The following TRMT11 variants were observed in gnomAD, a reference collection of about 807,000 sequenced individuals.
TRMT11 encodes tRNA (guanine(10)-N(2))-methyltransferase TRMT11.
Under a neutral mutation model 62.8 loss-of-function variants are expected in TRMT11, and 53 were observed. The observed-to-expected ratio is 0.84, with a 90% CI of 0.68 to 1.06. The LOEUF is 1.06. Ranked by LOEUF, TRMT11 falls within the 50% of genes least tolerant of loss-of-function variation. The probability of loss-of-function intolerance (pLI) is 0.00; values close to 1 mark genes in which losing one functional copy is unlikely to be tolerated. For synonymous variants in TRMT11, 188 were observed against 190.3 expected (o/e 0.99, Z 0.10); for missense variants, 556 against 553.4 (o/e 1.00, Z -0.05).
At chr6:126,078,134 TA>T (rs1777072095) in intron 17 of TRMT11, among the ~76,000 whole-genome samples, 1 of 152,200 alleles carries the variant, frequency 6.6e-6, no homozygotes, top group African/African-American at 2.4e-5. Context: ...CATCCATTCT[TA>T]TAAAAGAGAC....
At chr6:126,103,491 A>C (rs1054096273) in intron 17 of TRMT11, among the ~76,000 whole-genome samples, 21 of 152,174 alleles carry the variant, frequency 1.4e-4, no homozygotes, top group African/African-American at 5.1e-4. Flanking sequence ...GCATGTCTTA[A>C]CTGGTCCTCT....
At chr6:126,240,555 A>G in the TRMT11 span, among the ~76,000 whole-genome samples, 1 of 152,048 alleles carries the variant, frequency 6.6e-6, no homozygotes, top group Admixed American at 6.5e-5. Flanking sequence ...TTGCTGCCTG[A>G]TTGTTCCTCT....
At chr6:126,272,037 C>A in the TRMT11 span, among the ~76,000 whole-genome samples, 2 of 152,084 alleles carry the variant, frequency 1.3e-5, no homozygotes, top group Admixed American at 1.3e-4. Flanking sequence ...TATCAGAATG[C>A]TGAATATTAC....
At chr6:125,995,836 G>T in intron 2 of TRMT11, 131 bp from the exon 3 acceptor site, 2 of 637,306 alleles carry the variant, frequency 3.1e-6, no homozygotes, top group Non-Finnish European at 2.8e-6. Context: ...TTTTTATTTT[G>T]GTTACAGTCA....
chr6:126,153,742 T>G (rs903695693), intron 21 of TRMT11, among the ~76,000 whole-genome samples: 2 of 152,248 alleles, frequency 1.3e-5, no homozygotes, highest in Non-Finnish European at 2.9e-5. Context: ...CCACTCAGAT[T>G]GTCATTCTGT....
intron 17 of TRMT11, among the ~76,000 whole-genome samples, chr6:126,059,408 T>C (rs1160868689): frequency 1.3e-5 from 2 of 152,176 alleles, no homozygotes; most frequent in Non-Finnish European, 2.9e-5. Context: ...CTGGGCATTA[T>C]TTGGCTAAAA....
chr6:126,272,026 A>G, the TRMT11 span, among the ~76,000 whole-genome samples: 4 of 152,250 alleles, frequency 2.6e-5, no homozygotes, highest in Non-Finnish European at 5.9e-5. Context: ...CTGAAGACAA[A>G]TATCAGAATG....
intron 17 of TRMT11, among the ~76,000 whole-genome samples, chr6:126,095,288 G>A (rs1777328020): frequency 6.6e-6 from 1 of 152,158 alleles, no homozygotes; most frequent in Non-Finnish European, 1.5e-5. Flanking sequence ...GTACAGATCT[G>A]AAAAATAATC....
intron 1 of TRMT11, among the ~76,000 whole-genome samples, chr6:125,992,983 T>C (rs1025336177): frequency 6.6e-6 from 1 of 152,194 alleles, no homozygotes; most frequent in Non-Finnish European, 1.5e-5. Flanking sequence ...GGGTATAGTT[T>C]CCCTTTTGAT....
downstream of TRMT11, among the ~76,000 whole-genome samples, chr6:126,203,141 CTG>C (rs559079832): frequency 2.8e-3 from 424 of 152,270 alleles, 1 homozygote; most frequent in African/African-American, 9.5e-3. Flanking sequence ...TACCTGGGAG[CTG>C]TGTGGTCGCA....
intron 17 of TRMT11, among the ~76,000 whole-genome samples, chr6:126,062,625 A>C (rs1473241666): frequency 6.6e-6 from 1 of 152,214 alleles, no homozygotes; most frequent in Non-Finnish European, 1.5e-5. Flanking sequence ...TGAATAACTT[A>C]TCAATCTATC....
the TRMT11 span, among the ~76,000 whole-genome samples, chr6:126,272,130 G>A: frequency 6.6e-6 from 1 of 152,122 alleles, no homozygotes; most frequent in Non-Finnish European, 1.5e-5. Flanking sequence ...CCTTTAGTCA[G>A]TCTCATAAAT....
chr6:126,178,128 T>C (rs1778410404), intron 1 of TRMT11, among the ~76,000 whole-genome samples: 1 of 152,270 alleles, frequency 6.6e-6, no homozygotes, highest in South Asian at 2.1e-4. Context: ...GATGGAATAG[T>C]GCTTTTATTT....
chr6:126,112,863 T>C (rs1777547950), intron 17 of TRMT11, among the ~76,000 whole-genome samples: 1 of 152,038 alleles, frequency 6.6e-6, no homozygotes, highest in South Asian at 2.1e-4. Flanking sequence ...TTTTTTATTA[T>C]AGGGAAAAGA....
At chr6:126,167,659 G>A (rs1778284153) in intron 21 of TRMT11, among the ~76,000 whole-genome samples, 1 of 152,186 alleles carries the variant, frequency 6.6e-6, no homozygotes, top group South Asian at 2.1e-4. Context: ...ATTTTGAGGA[G>A]AAGGCAATGC....
At chr6:126,002,657 T>A (rs992753387) in intron 7 of TRMT11, among the ~76,000 whole-genome samples, 11 of 152,136 alleles carry the variant, frequency 7.2e-5, no homozygotes, top group African/African-American at 2.6e-4. Context: ...CCTTATTGAT[T>A]TACTTTTATT....
chr6:125,999,417 C>CT (rs1447989608), intron 6 of TRMT11, 40 bp from the exon 7 acceptor site: 1 of 1,515,286 alleles, frequency 6.6e-7, no homozygotes, highest in African/African-American at 1.4e-5. Context: ...TAAGTCTATT[C>CT]TGTATGGCTA....
intron 1 of TRMT11, among the ~76,000 whole-genome samples, chr6:126,178,820 T>C (rs137942798): frequency 0.011 from 1,691 of 152,248 alleles, 21 homozygotes; most frequent in Middle Eastern, 0.034. Flanking sequence ...GGTTGGGAGT[T>C]ACATTATCAG....
chr6:126,122,506 A>T (rs918551258), intron 21 of TRMT11, among the ~76,000 whole-genome samples: 24 of 152,136 alleles, frequency 1.6e-4, no homozygotes, highest in African/African-American at 5.8e-4. Flanking sequence ...TAAAGAAATT[A>T]TCTGACCCAC....
Sources: allele counts gnomAD v4.1 joint callset (sites outside exome capture counted in the v4.1 genomes callset), GRCh38; gene constraint gnomAD v4.1.1; transcripts MANE v1.5; gene names NCBI Gene and HGNC (gene_info 2026-07-23, HGNC 2026-07-21).